Variants in LRRC37A observed in about 807,000 individuals in gnomAD.
LRRC37A encodes leucine rich repeat containing 37A.
A neutral mutation model predicts 35.4 loss-of-function variants in LRRC37A; 3 were observed. That is an observed-to-expected ratio of 0.08 (90% CI 0.04 to 0.22). LRRC37A has a LOEUF of 0.22. Ranked by LOEUF, LRRC37A falls within the 10% of genes least tolerant of loss-of-function variation. The pLI is 1.00. For missense variants in LRRC37A, 67 were observed against 565.3 expected (o/e 0.12, Z 8.94); for synonymous variants, 23 against 215.0 (o/e 0.11, Z 7.81).
chr17:46,284,167 G>T, the LRRC37A span, among the ~76,000 whole-genome samples: 2 of 152,240 alleles, frequency 1.3e-5, no homozygotes, highest in East Asian at 3.8e-4. Context: ...CCCTTTAAGG[G>T]TGTCAGGCTG....
At chr17:46,259,019 A>ATTCTTTTT in the LRRC37A span, among the ~76,000 whole-genome samples, 1 of 79,468 alleles carries the variant, frequency 1.3e-5, no homozygotes, top group Non-Finnish European at 2.2e-5. Flanking sequence ...CACCCGGCCT[A>ATTCTTTTT]TTTTTTTTTT....
the LRRC37A span, among the ~76,000 whole-genome samples, chr17:46,276,409 C>G: frequency 3.9e-5 from 6 of 152,308 alleles, no homozygotes; most frequent in South Asian, 1.2e-3. Flanking sequence ...GCTAACCTGA[C>G]TTTTTGGGGG....
At chr17:46,272,345 C>T in the LRRC37A span, among the ~76,000 whole-genome samples, 1 of 152,204 alleles carries the variant, frequency 6.6e-6, no homozygotes, top group Non-Finnish European at 1.5e-5. Flanking sequence ...ATAGCAGAAG[C>T]TTTCAAAGAT....
the LRRC37A span, among the ~76,000 whole-genome samples, chr17:46,269,323 C>CA: frequency 6.6e-6 from 1 of 152,178 alleles, no homozygotes; most frequent in Non-Finnish European, 1.5e-5. Context: ...CACCTGAGGT[C>CA]CGGAGTTCGA....
chr17:46,253,264 T>C, the LRRC37A span, among the ~76,000 whole-genome samples: 5 of 143,376 alleles, frequency 3.5e-5, no homozygotes, highest in Admixed American at 2.8e-4. Context: ...ACTTCCTAGA[T>C]GGGATGGCGG....
At chr17:46,279,527 G>A in the LRRC37A span, among the ~76,000 whole-genome samples, 3 of 142,890 alleles carry the variant, frequency 2.1e-5, no homozygotes, top group East Asian at 4.1e-4. Flanking sequence ...TTTGAGATAG[G>A]GTCTTGTTGT....
chr17:46,254,826 C>T, the LRRC37A span, among the ~76,000 whole-genome samples: 1 of 151,726 alleles, frequency 6.6e-6, no homozygotes, highest in Non-Finnish European at 1.5e-5. Context: ...ACATAAGCCA[C>T]CGCGCCTGTT....
the LRRC37A span, among the ~76,000 whole-genome samples, chr17:46,278,148 T>C: frequency 3.3e-5 from 5 of 152,156 alleles, no homozygotes; most frequent in Non-Finnish European, 5.9e-5. Context: ...GGTTTCACCA[T>C]GTTGGCCAGC....
At chr17:46,248,179 G>A in the LRRC37A span, among the ~76,000 whole-genome samples, 2 of 151,892 alleles carry the variant, frequency 1.3e-5, no homozygotes, top group East Asian at 1.9e-4. Context: ...TTTTTTCTTA[G>A]ACTTATTTTC....
chr17:46,258,148 TAAA>T, the LRRC37A span, among the ~76,000 whole-genome samples: 1 of 152,108 alleles, frequency 6.6e-6, no homozygotes, highest in Admixed American at 6.5e-5. Flanking sequence ...AGTGAATGAC[TAAA>T]AAAGAGAGAG....
upstream of LRRC37A, among the ~76,000 whole-genome samples, chr17:46,290,484 A>G (rs1298233941): frequency 3.3e-5 from 5 of 152,192 alleles, no homozygotes; most frequent in African/African-American, 1.2e-4. Flanking sequence ...TTCGAGATGG[A>G]GTCTCGCTCT....
chr17:46,286,653 GA>G, the LRRC37A span, among the ~76,000 whole-genome samples: 21,611 of 149,508 alleles, frequency 0.14, 2,013 homozygotes, highest in Middle Eastern at 0.22. Context: ...GGGAAAAAGA[GA>G]AAAAAAAATG....
At chr17:46,259,267 G>C in the LRRC37A span, among the ~76,000 whole-genome samples, 1 of 149,662 alleles carries the variant, frequency 6.7e-6, no homozygotes, top group Non-Finnish European at 1.5e-5. Context: ...GGGAAGGTAT[G>C]ATCGGGTGGG....
chr17:46,268,302 A>G, the LRRC37A span, among the ~76,000 whole-genome samples: 15,030 of 142,948 alleles, frequency 0.11, 1 homozygote, highest in Middle Eastern at 0.17. Flanking sequence ...TAAAGGCGTG[A>G]GCCACTGCAC....
upstream of LRRC37A, among the ~76,000 whole-genome samples, chr17:46,290,393 T>G (rs1311674217): frequency 6.6e-6 from 1 of 152,164 alleles, no homozygotes; most frequent in Non-Finnish European, 1.5e-5. Context: ...TTTAGAATGC[T>G]GGGATTACAG....
At chr17:46,332,849 G>C (rs569382017) in intron 10 of LRRC37A, among the ~76,000 whole-genome samples, 193 bp downstream of exon 10, 1 of 149,630 alleles carries the variant, frequency 6.7e-6, no homozygotes, top group African/African-American at 2.5e-5. Context: ...AAGGATCCTC[G>C]CTTTCAGATC....
At chr17:46,308,151 T>C (rs1176933320) in intron 5 of LRRC37A, among the ~76,000 whole-genome samples, 2 of 50,536 alleles carry the variant, frequency 4.0e-5, no homozygotes, top group African/African-American at 9.7e-5. Context: ...ATTCAGAGTG[T>C]CATGTCCATT....
chr17:46,263,765 A>G, the LRRC37A span, among the ~76,000 whole-genome samples: 1 of 151,494 alleles, frequency 6.6e-6, no homozygotes, highest in African/African-American at 2.4e-5. Context: ...GAGGCAGGAG[A>G]ATCGCTTGAA....
chr17:46,291,831 C>G (rs144654257), upstream of LRRC37A, among the ~76,000 whole-genome samples: 1 of 151,982 alleles, frequency 6.6e-6, no homozygotes, highest in Admixed American at 6.6e-5. Context: ...TGGCATGGCA[C>G]GCGCCTGTAG....
Sources: allele counts gnomAD v4.1 joint callset (sites outside exome capture counted in the v4.1 genomes callset), GRCh38; gene constraint gnomAD v4.1.1; transcripts MANE v1.5; gene names NCBI Gene and HGNC (gene_info 2026-07-23, HGNC 2026-07-21).